PPTC7: variants seen among roughly 807,000 people sequenced by gnomAD.
PPTC7 encodes the protein protein phosphatase targeting COQ7, also known as protein phosphatase PTC7 homolog.
A neutral mutation model predicts 30.8 loss-of-function variants in PPTC7; 6 were observed. That is an observed-to-expected ratio of 0.19 (90% CI 0.11 to 0.38). The LOEUF is 0.38. Ranked by LOEUF, PPTC7 falls within the 10% of genes least tolerant of loss-of-function variation. The pLI is 1.00. For synonymous variants in PPTC7, 163 were observed against 168.1 expected (o/e 0.97, Z 0.23); for missense variants, 218 against 404.8 (o/e 0.54, Z 3.96).
chr12:110,564,550 A>G (rs2064464316), intron 1 of PPTC7, among the ~76,000 whole-genome samples: 1 of 152,158 alleles, frequency 6.6e-6, no homozygotes, highest in Non-Finnish European at 1.5e-5. Flanking sequence ...CCCAAAGAAG[A>G]TACTATTTAC....
rs370023474 is a variant in PPTC7 at position 110,552,483 on chromosome 12, G to A, written c.224-515C>T. On this transcript the variant is annotated intron_variant, in intron 1 of 5. Transcript: ENST00000354300. Reference sequence around the variant, plus strand: ...CCTCTCCTTCTACCCTGTAGAGGGCGGTACTGTACAATACAACAGCCATTC... The same window carrying A: ...CCTCTCCTTCTACCCTGTAGAGGGCAGTACTGTACAATACAACAGCCATTC... Among the ~76,000 whole-genome samples the A allele has an allele frequency of 1.2e-4, 18 of 152,250 alleles. No individual in the cohort carries two copies. In the East Asian group the frequency reaches 2.1e-3, roughly 18 times the overall value.
rs1190672500 is a variant in PPTC7 at position 110,539,149 on chromosome 12, T to C, written c.726+673A>G. Among the ~76,000 whole-genome samples the C allele has an allele frequency of 2.0e-5, 3 of 152,284 alleles. No homozygotes were observed. In the East Asian group the frequency reaches 5.8e-4, roughly 29 times the overall value. ...ACACAGGGCTGTAGTTAATCCTCAC[T>C]GCAACCCTATAAAAGAGGATCTTTA... On this transcript the variant is annotated intron_variant, in intron 4 of 5. Coordinates refer to ENST00000354300, the MANE Select transcript of PPTC7 (RefSeq NM_139283.2).
intron 3 of PPTC7, among the ~76,000 whole-genome samples, chr12:110,543,274 A>G (rs990997467): frequency 4.6e-5 from 7 of 152,238 alleles, no homozygotes; most frequent in Non-Finnish European, 1.0e-4. Flanking sequence ...TGGCACATGT[A>G]AAGTTCTGCC....
At chr12:110,571,890 A>T (rs2064539907) in intron 1 of PPTC7, among the ~76,000 whole-genome samples, 1 of 152,214 alleles carries the variant, frequency 6.6e-6, no homozygotes, top group Non-Finnish European at 1.5e-5. Context: ...AGACTTTCTA[A>T]TTTCATAGAA....
intron 3 of PPTC7, among the ~76,000 whole-genome samples, chr12:110,542,967 C>A (rs1171540634): frequency 1.3e-5 from 2 of 152,158 alleles, no homozygotes; most frequent in Admixed American, 1.3e-4. Flanking sequence ...AGGCCAGTTT[C>A]CCTCCTTCCA....
chr12:110,551,859 T>C lies in PPTC7; in HGVS notation c.333A>G (p.Val111=). 6.2e-7 allele frequency: 1 copy of C among 1,614,180 alleles called. No individual in the cohort carries two copies. Among genetic ancestry groups the C allele is most frequent in the African/African-American group, 1.3e-5 (1 of 75,042 alleles). The change falls in exon 2 of 6, where the codon GTA becomes GTG. Residue 111 remains valine (V), a synonymous_variant. Transcript: ENST00000354300. Reference sequence around the variant, plus strand: ...TGAGAATTCCAATGGGATTACTAGGTACGAACCGTCCTTCTTTTACTAAAC... The same window carrying C: ...TGAGAATTCCAATGGGATTACTAGGCACGAACCGTCCTTCTTTTACTAAAC... ...CERLVKEGRF[V]PSNPIGILTT... is the part of the protein sequence containing the mutation.
rs1383858506 is a variant in PPTC7 at position 110,535,087 on chromosome 12, G to C, written c.*1950C>G. The C allele has an allele frequency of 6.6e-6, 1 of 152,504 alleles. No individual in the cohort carries two copies. Among genetic ancestry groups the C allele is most frequent in the Non-Finnish European group, 1.5e-5 (1 of 68,028 alleles). The allele number at this position is 152,504 out of a possible 1,614,324, so 9.4% of individuals were successfully genotyped here. ...TTTCTTTACTTTTTAAATACACAGA[G>C]ACTGCAAATAGTTTGTGCAAAATAA... On this transcript the variant is annotated 3_prime_UTR_variant, in exon 6 of 6. Coordinates refer to ENST00000354300, the MANE Select transcript of PPTC7 (RefSeq NM_139283.2).
At chr12:110,563,433 A>G (rs887462876) in intron 1 of PPTC7, among the ~76,000 whole-genome samples, 28 of 152,200 alleles carry the variant, frequency 1.8e-4, no homozygotes, top group African/African-American at 6.5e-4. Flanking sequence ...CCTGGCCAAC[A>G]TGGTGAAACC....
chr12:110,565,917 A>G (rs1019923818), intron 1 of PPTC7, among the ~76,000 whole-genome samples: 1 of 152,208 alleles, frequency 6.6e-6, no homozygotes, highest in African/African-American at 2.4e-5. Context: ...GGATTAATGA[A>G]GAAGTGTCTG....
At chr12:110,562,846 T>A (rs2064449752) in intron 1 of PPTC7, among the ~76,000 whole-genome samples, 1 of 145,866 alleles carries the variant, frequency 6.9e-6, no homozygotes, top group South Asian at 2.1e-4. Flanking sequence ...TTCTGGCCAG[T>A]CGCGGTGGCT....
chr12:110,572,692 T>C lies in PPTC7; in HGVS notation c.223+10117A>G, dbSNP rs1593165648. On this transcript the variant is annotated intron_variant, in intron 1 of 5. Transcript: ENST00000354300. ...CTTAGGATTCATACCAACAATTCAA[T>C]CCATTCTAGAACTTATTCACCTCAA... Among the ~76,000 whole-genome samples the C allele has an allele frequency of 2.0e-5, 3 of 152,168 alleles. No homozygotes were observed. In the East Asian group the frequency reaches 5.8e-4, roughly 29 times the overall value.
In PPTC7 at chr12:110,582,984, G is replaced by T; in HGVS notation, c.48C>A (p.Leu16=). The change falls in exon 1 of 6, where the codon CTC becomes CTA. Residue 16 remains leucine (L), a synonymous_variant. Coordinates refer to ENST00000354300, the MANE Select transcript of PPTC7 (RefSeq NM_139283.2). Reference sequence around the variant, plus strand: ...TGGGGTCGGTCTGCGAGAGGCCGCCGAGCACGGCGCGGGCCACCAGCCGCC... The same window carrying T: ...TGGGGTCGGTCTGCGAGAGGCCGCCTAGCACGGCGCGGGCCACCAGCCGCC... ...SYGRLVARAV[L]GGLSQTDPRA... The T allele has an allele frequency of 6.6e-7, 1 of 1,524,130 alleles. No homozygotes were observed. 94.4% of individuals were successfully genotyped at this position (1,524,130 alleles called of 1,614,324 possible).
In PPTC7 at chr12:110,583,107, C is replaced by G. The variant is rs1310551448; in HGVS notation, c.-76G>C. 220 of 1,197,358 alleles carry G rather than the reference C, an allele frequency of 1.8e-4. No homozygotes were observed. Among genetic ancestry groups the G allele is most frequent in the Non-Finnish European group, 2.3e-4 (217 of 942,420 alleles). The allele number at this position is 1,197,358 out of a possible 1,614,324, so 74.2% of individuals were successfully genotyped here. A position where few individuals can be genotyped will look rare whatever the true frequency, so the allele number is the denominator to read the frequency against. Reference sequence around the variant, plus strand: ...GCGGAGGCCCGGAGCCGGCTCTCTCCTCAGCCGCAGTCGCGCCGCCGCTGG... The same window carrying G: ...GCGGAGGCCCGGAGCCGGCTCTCTCGTCAGCCGCAGTCGCGCCGCCGCTGG... On this transcript the variant is annotated 5_prime_UTR_variant, in exon 1 of 6. Transcript: ENST00000354300.
In PPTC7 at chr12:110,535,648, C is replaced by T. The variant is rs1296232067; in HGVS notation, c.*1389G>A. On this transcript the variant is annotated 3_prime_UTR_variant, in exon 6 of 6. Transcript: ENST00000354300. ...CATTCTCATCTATACACCAATGTTA[C>T]CTGACTTATATATAAAACATGGCTT... The T allele has an allele frequency of 6.6e-6, 1 of 152,570 alleles. No individual in the cohort carries two copies. The allele number at this position is 152,570 out of a possible 1,614,324, so 9.5% of individuals were successfully genotyped here. A position where few individuals can be genotyped will look rare whatever the true frequency, so the allele number is the denominator to read the frequency against.
intron 3 of PPTC7, among the ~76,000 whole-genome samples, chr12:110,542,081 T>G (rs533048350): frequency 2.0e-5 from 3 of 151,020 alleles, no homozygotes; most frequent in Non-Finnish European, 4.4e-5. Context: ...ACCCCAAAGC[T>G]GAAGGTTGCA....
intron 1 of PPTC7, among the ~76,000 whole-genome samples, chr12:110,579,109 A>C (rs2064614733): frequency 6.6e-6 from 1 of 152,072 alleles, no homozygotes; most frequent in Non-Finnish European, 1.5e-5. Flanking sequence ...AAATCGTGCC[A>C]CTGCACTCCA....
At chr12:110,550,249 G>T (rs2064340135) in intron 2 of PPTC7, among the ~76,000 whole-genome samples, 1 of 122,214 alleles carries the variant, frequency 8.2e-6, no homozygotes, top group Non-Finnish European at 1.7e-5. Context: ...TTTTTTTTTG[G>T]AGATGGAGTC....
Position 110,538,204 on chromosome 12 carries a change from C to A in PPTC7, c.796G>T (p.Asp266Tyr). 1 of 1,614,162 alleles carries A rather than the reference C, an allele frequency of 6.2e-7. No homozygotes were observed. The highest frequency in any genetic ancestry group is 1.1e-5 in the South Asian group (1 of 91,064). Residue 266 changes from aspartate (D) to tyrosine (Y), a missense_variant, in exon 5 of 6, where the codon GAC becomes TAC. By Grantham distance (160) the Asp-to-Tyr change is radical (BLOSUM62 -3). Transcript: ENST00000354300. ...GCAAAAGGTGACATATAATTTGGGT[C>A]ATAGGCCAGCTCATGAGCTTGCTCA... ...IAEQAHELAYDPNYMSPFAQF... is the reference protein window; with the variant it reads ...IAEQAHELAYYPNYMSPFAQF...
intron 1 of PPTC7, among the ~76,000 whole-genome samples, chr12:110,557,654 T>C (rs2064401435): frequency 1.3e-5 from 2 of 152,238 alleles, no homozygotes. Flanking sequence ...CAATATACTA[T>C]AATAAATGTT....
Sources: allele counts gnomAD v4.1 joint callset (sites outside exome capture counted in the v4.1 genomes callset), GRCh38; gene constraint gnomAD v4.1.1; transcripts MANE v1.5; gene names NCBI Gene and HGNC (gene_info 2026-07-23, HGNC 2026-07-21).